Variants in PHACTR3 observed in about 807,000 individuals in gnomAD.
The protein encoded by PHACTR3 is protein phosphatase 1, regulatory subunit 123.
PHACTR3 carries 16 observed loss-of-function variants against 66.8 expected under a neutral mutation model. The ratio of observed to expected loss-of-function variants is 0.24; its 90% CI spans 0.16 to 0.36. The LOEUF (loss-of-function observed/expected upper bound fraction) is 0.36. PHACTR3 is among the 10% of genes least tolerant of loss of function. The probability of loss-of-function intolerance (pLI) is 1.00; values close to 1 mark genes in which losing one functional copy is unlikely to be tolerated. For synonymous variants in PHACTR3, 323 were observed against 292.1 expected (o/e 1.11, Z -1.08); for missense variants, 647 against 719.9 (o/e 0.90, Z 1.16).
chr20:59,717,389 C>T (rs951831700), intron 1 of PHACTR3, among the ~76,000 whole-genome samples: 1 of 152,232 alleles, frequency 6.6e-6, no homozygotes, highest in African/African-American at 2.4e-5. Context: ...AATATACACA[C>T]CTAATTGGGA....
intron 1 of PHACTR3, among the ~76,000 whole-genome samples, chr20:59,584,080 C>T (rs1160143657): frequency 7.2e-5 from 11 of 152,288 alleles, no homozygotes; most frequent in African/African-American, 2.2e-4. Context: ...CAAGTGAGCG[C>T]GTGGGCAAGA....
At chr20:59,713,506 C>A (rs1045559690) in intron 1 of PHACTR3, among the ~76,000 whole-genome samples, 1 of 152,162 alleles carries the variant, frequency 6.6e-6, no homozygotes, top group Non-Finnish European at 1.5e-5. Flanking sequence ...ATAATTGGAA[C>A]TGAACAATAT....
intron 1 of PHACTR3, among the ~76,000 whole-genome samples, chr20:59,675,343 G>A (rs1032704030): frequency 6.6e-6 from 1 of 152,086 alleles, no homozygotes; most frequent in Non-Finnish European, 1.5e-5. Context: ...GGGGAGAGAT[G>A]CCCCCACTAC....
In PHACTR3 at chr20:59,726,665, T is replaced by TA. The variant is rs538525677; in HGVS notation, c.119-16439dup. ...ATCAAATTTACCATTTCAACCCTTT[T>TA]AAAGGGTACGATTCATGTGTGCCAA... On this transcript the variant is annotated intron_variant, in intron 1 of 12. Transcript: ENST00000371015. 1.2e-4 allele frequency among the ~76,000 whole-genome samples: 19 copies of TA among 152,278 alleles called. No individual in the cohort carries two copies. In the South Asian group the frequency reaches 2.1e-3, roughly 17 times the overall value.
intron 7 of PHACTR3, among the ~76,000 whole-genome samples, chr20:59,779,761 A>G (rs187161476): frequency 6.6e-6 from 1 of 152,308 alleles, no homozygotes; most frequent in Admixed American, 6.5e-5. Context: ...ATTTTTGGAA[A>G]TGGTGGAGGC....
At chr20:59,749,577 C>T (rs745339424) in intron 3 of PHACTR3, among the ~76,000 whole-genome samples, 5 of 152,184 alleles carry the variant, frequency 3.3e-5, no homozygotes, top group Admixed American at 6.5e-5. Flanking sequence ...ATCACACACC[C>T]GCAGGCTTAC....
At chr20:59,763,078 A>G (rs1447649101) in intron 4 of PHACTR3, among the ~76,000 whole-genome samples, 3 of 152,140 alleles carry the variant, frequency 2.0e-5, no homozygotes, top group Non-Finnish European at 2.9e-5. Context: ...CATAATCTCC[A>G]CGTGTCAAGG....
At chr20:59,788,243 A>G (rs1393918988) in intron 7 of PHACTR3, among the ~76,000 whole-genome samples, 1 of 152,148 alleles carries the variant, frequency 6.6e-6, no homozygotes, top group Non-Finnish European at 1.5e-5. Flanking sequence ...TTAGAATAAT[A>G]GCCTCCAATC....
chr20:59,808,657 C>T (rs1356266407), intron 8 of PHACTR3, among the ~76,000 whole-genome samples: 1 of 152,236 alleles, frequency 6.6e-6, no homozygotes, highest in African/African-American at 2.4e-5. Context: ...CCCTTGCTGT[C>T]CCCAGGCCCC....
At chr20:59,761,964 T>C (rs1041972501) in intron 4 of PHACTR3, among the ~76,000 whole-genome samples, 4 of 152,240 alleles carry the variant, frequency 2.6e-5, no homozygotes, top group African/African-American at 9.6e-5. Context: ...GATTCAGCAC[T>C]TGAGATGTTA....
At chr20:59,785,610 G>C (rs1433886063) in intron 7 of PHACTR3, among the ~76,000 whole-genome samples, 1 of 152,178 alleles carries the variant, frequency 6.6e-6, no homozygotes, top group African/African-American at 2.4e-5. Flanking sequence ...CCAGCGACCT[G>C]AGTTGACTAG....
chr20:59,604,994 G>T lies in PHACTR3; in HGVS notation c.-21G>T. 1 of 1,289,988 alleles carries T rather than the reference G, an allele frequency of 7.8e-7. No individual in the cohort carries two copies. The highest frequency in any genetic ancestry group is 3.2e-5 in the East Asian group (1 of 31,448). 79.9% of individuals were successfully genotyped at this position (1,289,988 alleles called of 1,614,324 possible). On this transcript the variant is annotated 5_prime_UTR_variant, in exon 1 of 13. Coordinates refer to ENST00000371015, the MANE Select transcript of PHACTR3 (RefSeq NM_080672.5). Reference sequence around the variant, plus strand: ...GATTCCACGCGGCTCGCTCTAACTTGCCCCCGCGCCGGCCGGGCCCATGGC... The same window carrying T: ...GATTCCACGCGGCTCGCTCTAACTTTCCCCCGCGCCGGCCGGGCCCATGGC...
At chr20:59,707,457 CTTTTTTTTTT>C (rs34134572) in intron 1 of PHACTR3, among the ~76,000 whole-genome samples, 1 of 100,378 alleles carries the variant, frequency 1.0e-5, no homozygotes, top group East Asian at 3.0e-4. Flanking sequence ...TGCTCCCACT[CTTTTTTTTTT>C]TTTTTTTTTT....
At chr20:59,773,634 T>C (rs1643848352) in intron 6 of PHACTR3, among the ~76,000 whole-genome samples, 181 bp downstream of exon 6, 1 of 152,252 alleles carries the variant, frequency 6.6e-6, no homozygotes, top group African/African-American at 2.4e-5. Flanking sequence ...ATAGCTGATC[T>C]TGGTTCCCAC....
At chr20:59,668,870 T>TTTTA (rs2036091858) in intron 1 of PHACTR3, among the ~76,000 whole-genome samples, 16 of 138,584 alleles carry the variant, frequency 1.2e-4, no homozygotes, top group African/African-American at 4.1e-4. Flanking sequence ...ACAGCTAATT[T>TTTTA]TTTTATTTTA....
At chr20:59,791,777 G>C (rs2041108510) in intron 7 of PHACTR3, among the ~76,000 whole-genome samples, 1 of 137,384 alleles carries the variant, frequency 7.3e-6, no homozygotes, top group African/African-American at 2.8e-5. Context: ...TGATGGTCCT[G>C]TTCCTGTGTC....
intron 1 of PHACTR3, among the ~76,000 whole-genome samples, chr20:59,725,680 T>C (rs1289593344): frequency 6.6e-6 from 1 of 151,936 alleles, no homozygotes; most frequent in African/African-American, 2.4e-5. Flanking sequence ...CAAGGAGGGG[T>C]AGTATCAGGC....
intron 1 of PHACTR3, among the ~76,000 whole-genome samples, chr20:59,592,424 A>C (rs112540258): frequency 1.7e-4 from 26 of 152,340 alleles, no homozygotes; most frequent in African/African-American, 6.0e-4. Flanking sequence ...TACATCTGTT[A>C]CAACTGATGC....
intron 1 of PHACTR3, among the ~76,000 whole-genome samples, chr20:59,626,084 A>AT (rs2034436294): frequency 6.6e-6 from 1 of 152,076 alleles, no homozygotes; most frequent in South Asian, 2.1e-4. Context: ...ATTATTTGCA[A>AT]TCCTCTGCAG....
Sources: gnomAD v4.1 joint callset for allele counts (sites outside exome capture counted in the v4.1 genomes callset) on GRCh38, gnomAD v4.1.1 for gene constraint, MANE v1.5 for transcripts, NCBI Gene and HGNC (gene_info 2026-07-23, HGNC 2026-07-21) for gene names.